The following TBCA variants were observed in gnomAD, a reference collection of about 807,000 sequenced individuals.
TBCA encodes the protein tubulin-specific chaperone A.
TBCA carries 6 observed loss-of-function variants against 15.8 expected under a neutral mutation model. That is an observed-to-expected ratio of 0.38 (90% CI 0.21 to 0.75). TBCA has a LOEUF of 0.75. Among genes scored for constraint, TBCA ranks in the 30% least tolerant of loss-of-function variants. TBCA has a pLI of 0.46. For missense variants in TBCA, 90 were observed against 131.2 expected (o/e 0.69, Z 1.53); for synonymous variants, 32 against 42.3 (o/e 0.76, Z 0.94).
intron 1 of TBCA, among the ~76,000 whole-genome samples, chr5:77,739,144 C>T (rs1746975649): frequency 6.6e-6 from 1 of 152,100 alleles, no homozygotes; most frequent in Non-Finnish European, 1.5e-5. Flanking sequence ...AATAATACTT[C>T]TTACTCTGGG....
At chr5:77,775,559 T>C (rs992729941) in intron 1 of TBCA, among the ~76,000 whole-genome samples, 1 of 152,236 alleles carries the variant, frequency 6.6e-6, no homozygotes, top group African/African-American at 2.4e-5. Flanking sequence ...CTGTCTCAGA[T>C]ACTTCTGGTT....
chr5:77,693,367 T>G lies in TBCA; in HGVS notation c.160-15A>C. 5 of 1,603,608 alleles carry G rather than the reference T, an allele frequency of 3.1e-6. No homozygotes were observed. The highest frequency in any genetic ancestry group is 4.2e-6 in the Non-Finnish European group (5 of 1,176,744). ...AGGATCTCTGCCTAGAATGAGAATC[T>G]CTGTGAGACGTTCAAAGATGGCAGA... is the stretch of plus-strand genomic sequence containing the variant. On this transcript the variant is annotated splice_polypyrimidine_tract_variant and intron_variant, in intron 2 of 3. Transcript: ENST00000380377.
intron 1 of TBCA, among the ~76,000 whole-genome samples, chr5:77,761,138 A>T (rs1159913986): frequency 2.6e-5 from 4 of 152,152 alleles, no homozygotes; most frequent in African/African-American, 9.7e-5. Context: ...AGCTCCGAAG[A>T]GACAGCGACC....
intron 3 of TBCA, chr5:77,692,252 T>C (rs1745767325): frequency 2.0e-6 from 2 of 985,260 alleles, no homozygotes; most frequent in Non-Finnish European, 2.4e-6. Flanking sequence ...TATGTGTGTA[T>C]TTAATATGAA....
chr5:77,750,030 A>C (rs1404489172), intron 1 of TBCA, among the ~76,000 whole-genome samples: 1 of 152,030 alleles, frequency 6.6e-6, no homozygotes, highest in Non-Finnish European at 1.5e-5. Context: ...AAAATGAATA[A>C]TGATGTTCGC....
At chr5:77,745,681 C>T (rs1360931808) in intron 1 of TBCA, among the ~76,000 whole-genome samples, 1 of 152,130 alleles carries the variant, frequency 6.6e-6, no homozygotes, top group Non-Finnish European at 1.5e-5. Flanking sequence ...GAACAGTGGT[C>T]AATATTTAAT....
chr5:77,701,787 G>A (rs1179537631), intron 2 of TBCA, among the ~76,000 whole-genome samples: 1 of 147,426 alleles, frequency 6.8e-6, no homozygotes, highest in Non-Finnish European at 1.5e-5. Context: ...CAACTTGGAC[G>A]GGACTGGAGA....
chr5:77,712,148 T>C (rs1746292802), intron 1 of TBCA, among the ~76,000 whole-genome samples: 1 of 152,196 alleles, frequency 6.6e-6, no homozygotes, highest in East Asian at 1.9e-4. Flanking sequence ...TTATAGAGTA[T>C]ATATACAACT....
chr5:77,744,977 A>G (rs1747149537), intron 1 of TBCA, among the ~76,000 whole-genome samples: 1 of 152,234 alleles, frequency 6.6e-6, no homozygotes, highest in Admixed American at 6.5e-5. Flanking sequence ...CTTTGGGTAC[A>G]TTACTTAAAC....
intron 1 of TBCA, among the ~76,000 whole-genome samples, chr5:77,742,143 T>C (rs1747051756): frequency 6.6e-6 from 1 of 152,190 alleles, no homozygotes; most frequent in Admixed American, 6.5e-5. Context: ...TGCTTCTGAT[T>C]TTGGATTTTT....
At chr5:77,692,040 T>C in intron 3 of TBCA, 1 of 985,380 alleles carries the variant, frequency 1.0e-6, no homozygotes, top group African/African-American at 1.7e-5. Flanking sequence ...TCTTTCATTT[T>C]CTGATATTTA....
chr5:77,699,763 C>T (rs1415515478), intron 2 of TBCA, among the ~76,000 whole-genome samples: 2 of 152,016 alleles, frequency 1.3e-5, no homozygotes, highest in Non-Finnish European at 2.9e-5. Context: ...GTTGGCTGGG[C>T]GCGATGGCTC....
At chr5:77,743,788 T>C (rs1263758096) in intron 1 of TBCA, among the ~76,000 whole-genome samples, 1 of 152,118 alleles carries the variant, frequency 6.6e-6, no homozygotes, top group Non-Finnish European at 1.5e-5. Flanking sequence ...CTTCTGGGAG[T>C]TTTCACATCT....
Position 77,732,438 on chromosome 5 carries a change from C to T in TBCA, c.54-24091G>A, listed in dbSNP as rs190056172. Among the ~76,000 whole-genome samples, 308 of 151,352 alleles carry T rather than the reference C, an allele frequency of 2.0e-3. 2 individuals carry two copies. The highest frequency in any genetic ancestry group is 7.3e-3 in the African/African-American group (301 of 41,168). ...TGGTGACGGGCGCCTGTAGGCCCAG[C>T]TACTCGGGAGGCTGAGGCAGGAGAA... On this transcript the variant is annotated intron_variant, in intron 1 of 3. Coordinates refer to ENST00000380377, the MANE Select transcript of TBCA (RefSeq NM_004607.3).
chr5:77,700,030 C>CAAAAAAAAAA (rs67790719), intron 2 of TBCA, among the ~76,000 whole-genome samples: 3 of 86,108 alleles, frequency 3.5e-5, no homozygotes, highest in Admixed American at 1.5e-4. Flanking sequence ...GGCTCTGACT[C>CAAAAAAAAAA]AAAAAAAAAA....
chr5:77,747,181 A>C (rs978480362), intron 1 of TBCA, among the ~76,000 whole-genome samples: 1 of 152,106 alleles, frequency 6.6e-6, no homozygotes. Flanking sequence ...TATTTCAGGA[A>C]AATAACAAAT....
At chr5:77,742,105 TATCCACAATGCTTGCGACA>T (rs1747049894) in intron 1 of TBCA, among the ~76,000 whole-genome samples, 2 of 152,178 alleles carry the variant, frequency 1.3e-5, no homozygotes, top group African/African-American at 4.8e-5. Context: ...GAGTATCCTT[TATCCACAATGCTTGCGACA>T]ATCCACAATG....
chr5:77,776,081 C>A, intron 1 of TBCA, 124 bp downstream of exon 1: 1 of 1,224,692 alleles, frequency 8.2e-7, no homozygotes, highest in Non-Finnish European at 1.1e-6. Context: ...AACTGCGGAG[C>A]CCCGGGTGCG....
intron 3 of TBCA, 113 bp from the exon 4 acceptor site, chr5:77,691,611 A>G (rs1267525343): frequency 7.0e-6 from 10 of 1,427,906 alleles, no homozygotes; most frequent in Non-Finnish European, 9.1e-6. Context: ...TAAAAGTAAA[A>G]AATCCCAAGC....
Sources: gnomAD v4.1 joint callset for allele counts (sites outside exome capture counted in the v4.1 genomes callset) on GRCh38, gnomAD v4.1.1 for gene constraint, MANE v1.5 for transcripts, NCBI Gene and HGNC (gene_info 2026-07-23, HGNC 2026-07-21) for gene names.